KCNIP4: variants seen among roughly 807,000 people sequenced by gnomAD.
The protein encoded by KCNIP4 is potassium voltage-gated channel interacting protein 4, also known as Kv channel-interacting protein 4.
KCNIP4 carries 12 observed loss-of-function variants against 34.0 expected under a neutral mutation model. The ratio of observed to expected loss-of-function variants is 0.35; its 90% CI spans 0.23 to 0.57. KCNIP4 has a LOEUF of 0.57. Ranked by LOEUF, KCNIP4 falls within the 20% of genes least tolerant of loss-of-function variation. The pLI, the probability that KCNIP4 is intolerant of heterozygous loss-of-function variation, is 0.83. For synonymous variants in KCNIP4, 124 were observed against 102.2 expected (o/e 1.21, Z -1.29); for missense variants, 238 against 311.7 (o/e 0.76, Z 1.78).
At chr4:21,879,443 T>C (rs1376589886) in intron 1 of KCNIP4, among the ~76,000 whole-genome samples, 105 of 152,266 alleles carry the variant, frequency 6.9e-4, no homozygotes, top group Admixed American at 6.9e-3. Context: ...CCAGCATGGC[T>C]GCCCCCTTCA....
chr4:21,253,628 G>A (rs1209273627), intron 1 of KCNIP4, among the ~76,000 whole-genome samples: 3 of 152,080 alleles, frequency 2.0e-5, no homozygotes, highest in African/African-American at 4.8e-5. Context: ...ATCTTTCTTC[G>A]ATACCTTGAA....
chr4:21,364,354 C>A (rs1426780355), intron 1 of KCNIP4, among the ~76,000 whole-genome samples: 2 of 151,920 alleles, frequency 1.3e-5, no homozygotes, highest in Non-Finnish European at 2.9e-5. Context: ...TGGTTTCTGC[C>A]AAGAGGAATA....
chr4:21,197,780 T>C (rs1450231317), intron 1 of KCNIP4, among the ~76,000 whole-genome samples: 1 of 152,164 alleles, frequency 6.6e-6, no homozygotes, highest in Non-Finnish European at 1.5e-5. Flanking sequence ...AGAAAAATAC[T>C]CATAATAAAT....
chr4:21,579,434 C>T (rs1433590475), intron 1 of KCNIP4, among the ~76,000 whole-genome samples: 1 of 152,092 alleles, frequency 6.6e-6, no homozygotes, highest in East Asian at 1.9e-4. Context: ...TTCCCTTGTG[C>T]CATGTTAAAA....
intron 1 of KCNIP4, among the ~76,000 whole-genome samples, chr4:21,739,221 T>C (rs895317707): frequency 1.3e-5 from 2 of 152,142 alleles, no homozygotes; most frequent in African/African-American, 4.8e-5. Flanking sequence ...AATATTTTAA[T>C]AGTTATCTTC....
intron 1 of KCNIP4, among the ~76,000 whole-genome samples, chr4:21,395,976 G>A (rs761081365): frequency 6.6e-6 from 1 of 151,882 alleles, no homozygotes; most frequent in Non-Finnish European, 1.5e-5. Context: ...TACGTAAAGG[G>A]CTAACACATG....
At chr4:21,170,732 G>A (rs1323450542) in intron 1 of KCNIP4, among the ~76,000 whole-genome samples, 1 of 152,030 alleles carries the variant, frequency 6.6e-6, no homozygotes, top group Non-Finnish European at 1.5e-5. Flanking sequence ...TAAAACAGTG[G>A]AAAATAATTT....
intron 1 of KCNIP4, among the ~76,000 whole-genome samples, chr4:21,339,494 G>A (rs1184098993): frequency 6.6e-6 from 1 of 152,136 alleles, no homozygotes; most frequent in East Asian, 1.9e-4. Context: ...TACCTTAAGA[G>A]ACTTTTTCTG....
chr4:20,776,512 C>T (rs1159236350), intron 3 of KCNIP4, among the ~76,000 whole-genome samples: 1 of 152,102 alleles, frequency 6.6e-6, no homozygotes, highest in Non-Finnish European at 1.5e-5. Flanking sequence ...GGAGCAATCC[C>T]TCCAGTACTT....
intron 1 of KCNIP4, among the ~76,000 whole-genome samples, chr4:21,918,526 C>G (rs1728765656): frequency 6.6e-6 from 1 of 151,814 alleles, no homozygotes; most frequent in Admixed American, 6.6e-5. Context: ...CTGTGACACC[C>G]CCCTCCACTG....
intron 2 of KCNIP4, among the ~76,000 whole-genome samples, chr4:20,854,967 C>G (rs1009814471): frequency 1.3e-5 from 2 of 152,166 alleles, no homozygotes; most frequent in Non-Finnish European, 2.9e-5. Context: ...TTGGAAAATG[C>G]TGTGAACTTT....
chr4:21,347,430 C>T (rs1717564404), intron 1 of KCNIP4, among the ~76,000 whole-genome samples: 1 of 152,186 alleles, frequency 6.6e-6, no homozygotes, highest in Non-Finnish European at 1.5e-5. Flanking sequence ...CTCTTCCTCC[C>T]ACCCTTCAAT....
chr4:21,430,925 CA>C (rs138940163), intron 1 of KCNIP4, among the ~76,000 whole-genome samples: 20 of 139,614 alleles, frequency 1.4e-4, no homozygotes, highest in African/African-American at 1.8e-4. Context: ...AAAGACTTTC[CA>C]AAAAAAAAAG....
intron 1 of KCNIP4, among the ~76,000 whole-genome samples, chr4:21,432,532 G>T (rs1201052457): frequency 6.6e-6 from 1 of 152,054 alleles, no homozygotes; most frequent in African/African-American, 2.4e-5. Flanking sequence ...TGCAAAACAA[G>T]GAGATACAAT....
intron 1 of KCNIP4, among the ~76,000 whole-genome samples, chr4:21,046,963 C>A (rs1472170295): frequency 6.6e-6 from 1 of 152,176 alleles, no homozygotes; most frequent in Non-Finnish European, 1.5e-5. Flanking sequence ...CCTGCTCACA[C>A]TATACAGAAT....
At chr4:21,681,622 T>C (rs1304229778) in intron 1 of KCNIP4, among the ~76,000 whole-genome samples, 1 of 152,192 alleles carries the variant, frequency 6.6e-6, no homozygotes, top group Non-Finnish European at 1.5e-5. Context: ...TCAGCATTCA[T>C]AGAATTGAAG....
chr4:21,604,765 C>G (rs1743500747), intron 1 of KCNIP4, among the ~76,000 whole-genome samples: 1 of 152,036 alleles, frequency 6.6e-6, no homozygotes, highest in Non-Finnish European at 1.5e-5. Flanking sequence ...TTTTTTGGTA[C>G]ACTAAATTTA....
intron 1 of KCNIP4, among the ~76,000 whole-genome samples, chr4:21,184,490 A>C (rs950518619): frequency 6.6e-6 from 1 of 152,166 alleles, no homozygotes; most frequent in African/African-American, 2.4e-5. Context: ...AAGCAATTTA[A>C]GTCACAGATG....
intron 1 of KCNIP4, among the ~76,000 whole-genome samples, chr4:21,870,042 T>A (rs1725690782): frequency 6.6e-6 from 1 of 152,188 alleles, no homozygotes; most frequent in African/African-American, 2.4e-5. Context: ...CATCTGTGTA[T>A]CTGCGGCAAG....
Sources: gnomAD v4.1 joint callset for allele counts (sites outside exome capture counted in the v4.1 genomes callset) on GRCh38, gnomAD v4.1.1 for gene constraint, MANE v1.5 for transcripts, NCBI Gene and HGNC (gene_info 2026-07-23, HGNC 2026-07-21) for gene names.